KCMF1: variants seen among roughly 807,000 people sequenced by gnomAD.
KCMF1 encodes the protein potassium channel modulatory factor 1, also known as E3 ubiquitin-protein ligase KCMF1.
A neutral mutation model predicts 41.1 loss-of-function variants in KCMF1; 3 were observed. The ratio of observed to expected loss-of-function variants is 0.07; its 90% CI spans 0.03 to 0.19. The LOEUF is 0.19. Ranked by LOEUF, KCMF1 falls within the 10% of genes least tolerant of loss-of-function variation. KCMF1 has a pLI of 1.00. For missense variants in KCMF1, 286 were observed against 488.9 expected, an observed-to-expected ratio of 0.58 and a Z score of 3.91; for synonymous variants, 142 against 164.5, an observed-to-expected ratio of 0.86 and a Z score of 1.04.
intron 3 of KCMF1, among the ~76,000 whole-genome samples, chr2:85,040,690 T>C (rs188292249): frequency 1.3e-5 from 2 of 152,144 alleles, no homozygotes; most frequent in Non-Finnish European, 2.9e-5. Context: ...CTCATTTGAG[T>C]TAACTTCATG....
intron 1 of KCMF1, among the ~76,000 whole-genome samples, chr2:84,983,927 G>C (rs922045667): frequency 6.6e-6 from 1 of 152,204 alleles, no homozygotes; most frequent in Non-Finnish European, 1.5e-5. Flanking sequence ...ACAGGAGTGA[G>C]TCCCTATTCC....
At chr2:85,048,577 G>A (rs1054970525) in intron 5 of KCMF1, among the ~76,000 whole-genome samples, 11 of 152,178 alleles carry the variant, frequency 7.2e-5, no homozygotes, top group African/African-American at 2.4e-4. Flanking sequence ...CCCTATAAGC[G>A]AGGTGGACCC....
At chr2:85,029,330 C>T (rs1243456051) in intron 2 of KCMF1, among the ~76,000 whole-genome samples, 1 of 152,004 alleles carries the variant, frequency 6.6e-6, no homozygotes, top group Non-Finnish European at 1.5e-5. Context: ...GCCTGTAATC[C>T]CAGCCCTTTG....
chr2:85,007,931 T>C (rs1475205982), intron 1 of KCMF1, among the ~76,000 whole-genome samples: 1 of 152,022 alleles, frequency 6.6e-6, no homozygotes, highest in East Asian at 1.9e-4. Context: ...TGGCTAATTT[T>C]TTTGTATTTT....
chr2:84,971,792 C>A (rs1462435445), intron 1 of KCMF1, among the ~76,000 whole-genome samples: 3 of 151,102 alleles, frequency 2.0e-5, no homozygotes, highest in Non-Finnish European at 4.4e-5. Context: ...TGATACCGGA[C>A]GCCAAGGCCC....
intron 1 of KCMF1, among the ~76,000 whole-genome samples, chr2:84,985,932 TGCA>T (rs1673891385): frequency 1.3e-5 from 2 of 152,208 alleles, no homozygotes; most frequent in African/African-American, 2.4e-5. Context: ...TATATTCTGA[TGCA>T]GTAGTCACAT....
chr2:85,046,086 T>C lies in KCMF1; in HGVS notation c.427-18T>C, dbSNP rs746070786. On this transcript the variant is annotated intron_variant, in intron 4 of 6. Transcript: ENST00000409785. ...TTTCTGTGAAATACTTTCGTTTTTT[T>C]CTTAACTTTTGGGTTATGATGAATC... 3 of 1,587,262 alleles carry C rather than the reference T, an allele frequency of 1.9e-6. No homozygotes were observed. The highest frequency in any genetic ancestry group is 1.4e-5 in the African/African-American group (1 of 73,634).
At chr2:85,051,634 A>G (rs1011142722) in intron 6 of KCMF1, among the ~76,000 whole-genome samples, 7 of 151,998 alleles carry the variant, frequency 4.6e-5, no homozygotes, top group Non-Finnish European at 7.4e-5. Context: ...CACTTTCCAC[A>G]TCTTTTATTG....
Position 85,053,549 on chromosome 2 carries a change from G to A in KCMF1, c.*140G>A. 1 of 885,542 alleles carries A rather than the reference G, an allele frequency of 1.1e-6. No homozygotes were observed. The highest frequency in any genetic ancestry group is 1.7e-6 in the Non-Finnish European group (1 of 591,800). 54.9% of individuals were successfully genotyped at this position (885,542 alleles called of 1,614,324 possible). A position where few individuals can be genotyped will look rare whatever the true frequency, so the allele number is the denominator to read the frequency against. ...ATTGTGTACATTCAAAAGGAAGAGA[G>A]AAAATATATATGATAATCATTTCCA... On this transcript the variant is annotated 3_prime_UTR_variant, in exon 7 of 7. Transcript: ENST00000409785.
At chr2:85,014,217 C>G (rs774317636) in intron 1 of KCMF1, among the ~76,000 whole-genome samples, 1 of 152,000 alleles carries the variant, frequency 6.6e-6, no homozygotes, top group Non-Finnish European at 1.5e-5. Context: ...GGATTTCATT[C>G]CAGAGAAGTT....
chr2:85,040,761 T>G (rs1257340216), intron 3 of KCMF1, among the ~76,000 whole-genome samples: 1 of 151,846 alleles, frequency 6.6e-6, no homozygotes, highest in East Asian at 1.9e-4. Flanking sequence ...ATTTTCTTTT[T>G]TCTTTTCTTT....
intron 2 of KCMF1, among the ~76,000 whole-genome samples, chr2:85,031,419 T>TA (rs1182485335): frequency 6.6e-6 from 1 of 152,222 alleles, no homozygotes; most frequent in East Asian, 1.9e-4. Flanking sequence ...TTTTTTATCT[T>TA]ATAGTGGTAC....
intron 1 of KCMF1, among the ~76,000 whole-genome samples, chr2:84,978,009 T>C (rs1673593612): frequency 6.6e-6 from 1 of 151,864 alleles, no homozygotes; most frequent in African/African-American, 2.4e-5. Flanking sequence ...CAGCAATCTT[T>C]TTTTTTTTTT....
chr2:84,984,895 C>T (rs942061651), intron 1 of KCMF1, among the ~76,000 whole-genome samples: 2 of 151,994 alleles, frequency 1.3e-5, no homozygotes, highest in East Asian at 1.9e-4. Context: ...CACTATGTTG[C>T]CCAGGATGGC....
In KCMF1 at chr2:85,056,241, G is replaced by T. The variant is rs1266932189; in HGVS notation, c.*2832G>T. 3.3e-5 allele frequency: 5 copies of T among 151,954 alleles called. No homozygotes were observed. The highest frequency in any genetic ancestry group is 1.5e-5 in the Non-Finnish European group (1 of 67,986). The allele number at this position is 151,954 out of a possible 1,614,324, so 9.4% of individuals were successfully genotyped here. A position where few individuals can be genotyped will look rare whatever the true frequency, so the allele number is the denominator to read the frequency against. The stretch of plus-strand genomic sequence containing the variant: ...TGTGGCCCCCAGAGAAATGAAGTAG[G>T]ATAGCAGATTACACTATTAGAAATA... On this transcript the variant is annotated 3_prime_UTR_variant, in exon 7 of 7. Coordinates refer to ENST00000409785, the MANE Select transcript of KCMF1 (RefSeq NM_020122.5).
chr2:85,003,873 T>C (rs949121124), intron 1 of KCMF1, among the ~76,000 whole-genome samples: 3 of 152,162 alleles, frequency 2.0e-5, no homozygotes, highest in Non-Finnish European at 4.4e-5. Context: ...TAAAAAGGGT[T>C]AGCATAGGGT....
chr2:84,996,954 A>G (rs1216576775), intron 1 of KCMF1, among the ~76,000 whole-genome samples: 1 of 152,220 alleles, frequency 6.6e-6, no homozygotes, highest in Admixed American at 6.5e-5. Flanking sequence ...GGCCAGGCTA[A>G]GCTATTGCTC....
intron 1 of KCMF1, among the ~76,000 whole-genome samples, chr2:85,011,043 C>T (rs1419898589): frequency 6.6e-6 from 1 of 152,054 alleles, no homozygotes; most frequent in African/African-American, 2.4e-5. Flanking sequence ...GGGGTTTCAC[C>T]GTGTTGGCCA....
intron 1 of KCMF1, among the ~76,000 whole-genome samples, chr2:85,018,377 C>A (rs888298741): frequency 2.7e-5 from 4 of 149,054 alleles, no homozygotes; most frequent in African/African-American, 9.9e-5. Context: ...TCAAGCGATT[C>A]TCTTTCCTCA....
Sources: allele counts gnomAD v4.1 joint callset (sites outside exome capture counted in the v4.1 genomes callset), GRCh38; gene constraint gnomAD v4.1.1; transcripts MANE v1.5; gene names NCBI Gene and HGNC (gene_info 2026-07-23, HGNC 2026-07-21).